Variants in MYOM2 observed in about 807,000 individuals in gnomAD.
MYOM2 encodes myomesin 2.
Under a neutral mutation model 187.6 loss-of-function variants are expected in MYOM2, and 254 were observed. The ratio of observed to expected loss-of-function variants is 1.35; its 90% confidence interval spans 1.22 to 1.50. The LOEUF is 1.50. Ranked by LOEUF, MYOM2 falls within the 40% of genes most tolerant of loss-of-function variation. The pLI is 0.00. For synonymous variants in MYOM2, 981 were observed against 753.8 expected (o/e 1.30, Z -4.94); for missense variants, 2,796 against 1,924.0 (o/e 1.45, Z -8.48).
chr8:2,140,121 A>G (rs561416024), intron 32 of MYOM2, among the ~76,000 whole-genome samples: 10 of 152,228 alleles, frequency 6.6e-5, no homozygotes, highest in African/African-American at 2.4e-4. Flanking sequence ...TGTCTCTGTG[A>G]ATCTGACTAC....
intron 20 of MYOM2, among the ~76,000 whole-genome samples, chr8:2,101,478 C>T (rs1470991554): frequency 2.6e-5 from 4 of 152,256 alleles, no homozygotes; most frequent in African/African-American, 9.6e-5. Context: ...CACCGAGCCC[C>T]GAGGTGAACC....
At chr8:2,081,371 G>A (rs1026605856) in intron 13 of MYOM2, among the ~76,000 whole-genome samples, 1 of 147,150 alleles carries the variant, frequency 6.8e-6, no homozygotes, top group Middle Eastern at 3.6e-3. Context: ...TGTAGAATGA[G>A]GTTTGGTTCT....
chr8:2,105,591 G>T (rs1003252542), intron 21 of MYOM2, among the ~76,000 whole-genome samples: 1 of 152,156 alleles, frequency 6.6e-6, no homozygotes, highest in Non-Finnish European at 1.5e-5. Context: ...GAGAGAACAG[G>T]ATCTTCAGGG....
At chr8:2,072,307 GC>G in intron 8 of MYOM2, 37 bp from the exon 9 acceptor site, 1 of 1,583,290 alleles carries the variant, frequency 6.3e-7, no homozygotes, top group Non-Finnish European at 8.5e-7. Flanking sequence ...CATGCTCTCT[GC>G]CCTTCGGCCC....
intron 28 of MYOM2, among the ~76,000 whole-genome samples, chr8:2,120,691 T>TATATATTTATAATATAC (rs1797417977): frequency 9.7e-6 from 1 of 102,874 alleles, no homozygotes; most frequent in African/African-American, 3.7e-5. Context: ...TATATATAAA[T>TATATATTTATAATATAC]ATATAATATA....
chr8:2,110,848 A>AT (rs11445981), intron 25 of MYOM2, among the ~76,000 whole-genome samples: 98,103 of 152,040 alleles, frequency 0.65, 32,529 homozygotes, highest in African/African-American at 0.79. Flanking sequence ...GAAGTCTTGC[A>AT]GGTAAGGATC....
At chr8:2,098,535 A>C (rs998625440) in intron 18 of MYOM2, among the ~76,000 whole-genome samples, 1 of 152,126 alleles carries the variant, frequency 6.6e-6, no homozygotes, top group African/African-American at 2.4e-5. Flanking sequence ...GCCCTGGGCA[A>C]CCGTCGCCTC....
intron 3 of MYOM2, among the ~76,000 whole-genome samples, chr8:2,053,603 C>T (rs988731280): frequency 6.6e-6 from 1 of 152,218 alleles, no homozygotes; most frequent in African/African-American, 2.4e-5. Flanking sequence ...TCAAGACAGC[C>T]TTGGCTGCTG....
In MYOM2 at chr8:2,050,831, A is replaced by G; in HGVS notation, c.65A>G (p.Asn22Ser). 6.2e-7 allele frequency: 1 copy of G among 1,613,292 alleles called. No individual in the cohort carries two copies. The highest frequency in any genetic ancestry group is 1.3e-5 in the African/African-American group (1 of 75,056). ...RHRHFDQSYR[N>S]IQTRYLLDEY... ...AGGCACTTCGACCAGTCCTACCGTA[A>G]TATTCAAACACGGTACCTGCTGGAC... is the stretch of plus-strand genomic sequence containing the variant. The change falls in exon 2 of 37, where the codon AAT becomes AGT. Residue 22 changes from asparagine to serine, a missense_variant. Asn to Ser is a conservative substitution (Grantham distance 46). Coordinates refer to ENST00000262113, the MANE Select transcript of MYOM2 (RefSeq NM_003970.4).
At chr8:2,143,016 A>G (rs1433912023) in intron 35 of MYOM2, among the ~76,000 whole-genome samples, 1 of 151,894 alleles carries the variant, frequency 6.6e-6, no homozygotes, top group Non-Finnish European at 1.5e-5. Flanking sequence ...TTGGCCTCCC[A>G]AAGTGTTGGG....
intron 6 of MYOM2, among the ~76,000 whole-genome samples, chr8:2,059,900 G>A (rs1002821039): frequency 1.3e-5 from 2 of 151,932 alleles, no homozygotes; most frequent in Non-Finnish European, 2.9e-5. Flanking sequence ...GGGCCATCAC[G>A]CCCAGCTAAT....
rs758318247 is a variant in MYOM2 at position 2,050,884 on chromosome 8, A to T, written c.107+11A>T. ...ATATGCGTCAAAAAAGTAAGCTGAC[A>T]TTCGCTGATGAGACGCGCAGAGCTT... On this transcript the variant is annotated intron_variant, in intron 2 of 36. Coordinates refer to ENST00000262113, the MANE Select transcript of MYOM2 (RefSeq NM_003970.4). The T allele has an allele frequency of 6.3e-7, 1 of 1,594,958 alleles. No individual in the cohort carries two copies. The highest frequency in any genetic ancestry group is 8.6e-7 in the Non-Finnish European group (1 of 1,163,082).
chr8:2,056,058 A>T (rs1818653366), intron 3 of MYOM2, among the ~76,000 whole-genome samples: 1 of 152,130 alleles, frequency 6.6e-6, no homozygotes, highest in Admixed American at 6.5e-5. Flanking sequence ...TATTTATGAG[A>T]CATCTTCTAT....
chr8:2,074,676 A>C (rs182442464), intron 10 of MYOM2, among the ~76,000 whole-genome samples: 1 of 152,126 alleles, frequency 6.6e-6, no homozygotes, highest in African/African-American at 2.4e-5. Context: ...GCTGGTCTCG[A>C]ACTCTTGATC....
intron 28 of MYOM2, among the ~76,000 whole-genome samples, chr8:2,120,688 A>ATATGTTATATATATAT (rs1491257964): frequency 1.2e-5 from 1 of 82,552 alleles, no homozygotes; most frequent in African/African-American, 4.4e-5. Flanking sequence ...TATTATATAT[A>ATATGTTATATATATAT]AATATATAAT....
chr8:2,073,478 C>A lies in MYOM2; in HGVS notation c.1098C>A (p.His366Gln). 1 of 1,606,702 alleles carries A rather than the reference C, an allele frequency of 6.2e-7. No homozygotes were observed. The highest frequency in any genetic ancestry group is 8.5e-7 in the Non-Finnish European group (1 of 1,178,974). Residue 366 changes from histidine (H) to glutamine (Q), a missense_variant, in exon 10 of 37, where the codon CAC becomes CAA. His to Gln is a conservative substitution (Grantham distance 24). Coordinates refer to ENST00000262113, the MANE Select transcript of MYOM2 (RefSeq NM_003970.4). ...TGTCTCGGGGCGGCGTCAGCGACCA[C>A]AGCGCCTTCCTGTTTGTCAGAGGTG... ...RIVSRGGVSD[H>Q]SAFLFVRDAD...
chr8:2,092,559 G>A, intron 16 of MYOM2, 39 bp downstream of exon 16: 1 of 1,603,922 alleles, frequency 6.2e-7, no homozygotes, highest in South Asian at 1.1e-5. Context: ...CAGCCTTGCA[G>A]GAGTAGCAAG....
intron 28 of MYOM2, among the ~76,000 whole-genome samples, chr8:2,118,673 T>C (rs547700345): frequency 6.6e-6 from 1 of 151,948 alleles, no homozygotes; most frequent in Non-Finnish European, 1.5e-5. Context: ...AACTGTGCAC[T>C]TAAAAATAAA....
At chr8:2,124,590 A>T (rs188027571) in intron 31 of MYOM2, among the ~76,000 whole-genome samples, 14 of 152,242 alleles carry the variant, frequency 9.2e-5, no homozygotes, top group African/African-American at 3.4e-4. Flanking sequence ...TACACATTAA[A>T]CCATATGTTA....
Sources: allele counts gnomAD v4.1 joint callset (sites outside exome capture counted in the v4.1 genomes callset), GRCh38; gene constraint gnomAD v4.1.1; transcripts MANE v1.5; gene names NCBI Gene and HGNC (gene_info 2026-07-23, HGNC 2026-07-21).